Variants in CSGALNACT1 observed in about 807,000 individuals in gnomAD.
CSGALNACT1 encodes the protein beta4GalNAcT-1.
A neutral mutation model predicts 51.0 loss-of-function variants in CSGALNACT1; 52 were observed. That is an observed-to-expected ratio of 1.02 (90% CI 0.82 to 1.29). CSGALNACT1 has a LOEUF of 1.29. Ranked by LOEUF, CSGALNACT1 falls within the 50% of genes most tolerant of loss-of-function variation. The pLI is 0.00. For missense variants in CSGALNACT1, 935 were observed against 679.2 expected (o/e 1.38, Z -4.19); for synonymous variants, 341 against 254.4 (o/e 1.34, Z -3.24).
At chr8:19,616,929 G>C (rs2053109740) in intron 1 of CSGALNACT1, among the ~76,000 whole-genome samples, 2 of 152,126 alleles carry the variant, frequency 1.3e-5, no homozygotes, top group African/African-American at 4.8e-5. Context: ...AGATGATTTG[G>C]GGATGATTCA....
intron 1 of CSGALNACT1, among the ~76,000 whole-genome samples, chr8:19,750,219 T>G (rs1329917231): frequency 6.6e-6 from 1 of 152,206 alleles, no homozygotes; most frequent in Non-Finnish European, 1.5e-5. Flanking sequence ...TCTCTTGGGC[T>G]CCAAGCTGCC....
At chr8:19,432,005 C>G (rs1368807723) in intron 6 of CSGALNACT1, among the ~76,000 whole-genome samples, 1 of 151,950 alleles carries the variant, frequency 6.6e-6, no homozygotes, top group Non-Finnish European at 1.5e-5. Context: ...AAAAAAGAGT[C>G]ACAAACAAAA....
intron 3 of CSGALNACT1, among the ~76,000 whole-genome samples, chr8:19,588,626 T>C (rs1350021547): frequency 6.6e-6 from 1 of 152,316 alleles, no homozygotes; most frequent in African/African-American, 2.4e-5. Context: ...GAACAAGAGA[T>C]AAGAACCCCC....
At chr8:19,495,226 G>C (rs1198171078) in intron 4 of CSGALNACT1, 1 of 152,114 alleles carries the variant, frequency 6.6e-6, no homozygotes, top group South Asian at 2.1e-4. Flanking sequence ...TCTGACTTAC[G>C]GTGTAGAGAA....
At chr8:19,405,252 T>C (rs2053921051) in exon 10 of CSGALNACT1, 1 of 453,450 alleles carries the variant, frequency 2.2e-6, no homozygotes, top group African/African-American at 2.0e-5. Flanking sequence ...ACACGATATT[T>C]ATGGTTTCTT....
rs145120232 is a variant in CSGALNACT1, at chr8:19,433,985, T to C, written c.953+5845A>G. Reference sequence around the variant, plus strand: ...CTTGTGGGCTGTTGAATTTCCAGCTTACCAGAGAGCTGGAGTCAGGGATGG... The same window carrying C: ...CTTGTGGGCTGTTGAATTTCCAGCTCACCAGAGAGCTGGAGTCAGGGATGG... On this transcript the variant is annotated intron_variant, in intron 6 of 9. Coordinates refer to ENST00000454498, the Ensembl canonical transcript of CSGALNACT1. Among the ~76,000 whole-genome samples, 338 of 152,246 alleles carry C rather than the reference T, an allele frequency of 2.2e-3. 7 individuals carry two copies. In the South Asian group the frequency reaches 0.039, roughly 18 times the overall value.
intron 1 of CSGALNACT1, among the ~76,000 whole-genome samples, chr8:19,640,102 C>T (rs1384500244): frequency 6.6e-6 from 1 of 151,872 alleles, no homozygotes; most frequent in East Asian, 1.9e-4. Context: ...GTTCAATGCA[C>T]CTGGGGGGAA....
intron 1 of CSGALNACT1, among the ~76,000 whole-genome samples, chr8:19,647,020 C>T (rs2057341448): frequency 6.6e-6 from 1 of 152,070 alleles, no homozygotes; most frequent in African/African-American, 2.4e-5. Context: ...CTGAGTGGCT[C>T]AGCTTACCAC....
intron 1 of CSGALNACT1, among the ~76,000 whole-genome samples, chr8:19,613,324 T>C (rs550916928): frequency 1.3e-5 from 2 of 152,362 alleles, no homozygotes; most frequent in East Asian, 1.9e-4. Context: ...AATTATTCTA[T>C]GATAAACCAA....
intron 4 of CSGALNACT1, among the ~76,000 whole-genome samples, chr8:19,491,856 T>A (rs940309964): frequency 2.0e-5 from 3 of 152,228 alleles, no homozygotes; most frequent in African/African-American, 7.2e-5. Context: ...AGACATACAT[T>A]TACATTCCAC....
intron 1 of CSGALNACT1, among the ~76,000 whole-genome samples, chr8:19,669,854 G>C (rs533366254): frequency 1.7e-4 from 26 of 152,274 alleles, no homozygotes; most frequent in Admixed American, 1.4e-3. Context: ...ATTGCAGCAT[G>C]AAGGCCCTCC....
At chr8:19,755,973 TC>T (rs2154255383) in intron 1 of CSGALNACT1, among the ~76,000 whole-genome samples, 1 of 152,268 alleles carries the variant, frequency 6.6e-6, no homozygotes, top group African/African-American at 2.4e-5. Flanking sequence ...CAACACCTAG[TC>T]CCCTGTGTAT....
intron 3 of CSGALNACT1, among the ~76,000 whole-genome samples, chr8:19,510,461 A>T (rs17128535): frequency 6.6e-6 from 1 of 152,176 alleles, no homozygotes; most frequent in Non-Finnish European, 1.5e-5. Context: ...TTATTCATCC[A>T]TACAACAAAT....
At chr8:19,538,151 T>C (rs1366111611) in intron 3 of CSGALNACT1, among the ~76,000 whole-genome samples, 5 of 151,914 alleles carry the variant, frequency 3.3e-5, no homozygotes, top group Non-Finnish European at 1.5e-5. Flanking sequence ...ATGATACTGC[T>C]ACAAAAAATG....
intron 1 of CSGALNACT1, among the ~76,000 whole-genome samples, chr8:19,646,984 T>G (rs73599203): frequency 1.3e-4 from 20 of 152,254 alleles, no homozygotes; most frequent in Middle Eastern, 6.8e-3. Flanking sequence ...TCCTTTGGCC[T>G]GTAAAACATG....
At chr8:19,429,763 AGAT>A (rs1415921066) in intron 6 of CSGALNACT1, among the ~76,000 whole-genome samples, 1 of 152,236 alleles carries the variant, frequency 6.6e-6, no homozygotes, top group Non-Finnish European at 1.5e-5. Context: ...CTGCTGAGTC[AGAT>A]AATAATACTA....
At chr8:19,415,360 G>A (rs1408043159) in intron 8 of CSGALNACT1, among the ~76,000 whole-genome samples, 1 of 152,186 alleles carries the variant, frequency 6.6e-6, no homozygotes, top group East Asian at 1.9e-4. Flanking sequence ...TCATCTCAAG[G>A]AGAAGAATTG....
chr8:19,416,234 C>A (rs2056851088), intron 8 of CSGALNACT1, among the ~76,000 whole-genome samples: 1 of 150,902 alleles, frequency 6.6e-6, no homozygotes, highest in Admixed American at 6.6e-5. Flanking sequence ...CCTGCCTCAG[C>A]CTGTGGAGTA....
intron 1 of CSGALNACT1, among the ~76,000 whole-genome samples, chr8:19,712,305 G>A (rs1038359484): frequency 1.3e-5 from 2 of 152,166 alleles, no homozygotes; most frequent in African/African-American, 2.4e-5. Context: ...GATTACAGGC[G>A]TGAGCCACCG....
Sources: gnomAD v4.1 joint callset for allele counts (sites outside exome capture counted in the v4.1 genomes callset) on GRCh38, gnomAD v4.1.1 for gene constraint, MANE v1.5 for transcripts, NCBI Gene and HGNC (gene_info 2026-07-23, HGNC 2026-07-21) for gene names.